CNTNAP2: variants seen among roughly 807,000 people sequenced by gnomAD.
CNTNAP2 encodes the protein contactin-associated protein-like 2.
A neutral mutation model predicts 155.2 loss-of-function variants in CNTNAP2; 98 were observed. The ratio of observed to expected loss-of-function variants is 0.63; its 90% confidence interval spans 0.54 to 0.75. CNTNAP2 has a LOEUF of 0.75. CNTNAP2 is among the 30% of genes least tolerant of loss of function. The probability of loss-of-function intolerance (pLI) is 0.00; values close to 1 mark genes in which losing one functional copy is unlikely to be tolerated. For synonymous variants in CNTNAP2, 651 were observed against 631.2 expected (o/e 1.03, Z -0.47); for missense variants, 1,727 against 1,688.1 (o/e 1.02, Z -0.40).
chr7:146,667,244 T>C (rs142200377), intron 1 of CNTNAP2, among the ~76,000 whole-genome samples: 102 of 152,248 alleles, frequency 6.7e-4, no homozygotes, highest in African/African-American at 1.5e-3. Flanking sequence ...GCCTGTCCTT[T>C]CCTCAATTAG....
intron 4 of CNTNAP2, among the ~76,000 whole-genome samples, chr7:147,072,106 C>G (rs1799904466): frequency 6.6e-6 from 1 of 151,896 alleles, no homozygotes. Context: ...GAGAACTTCT[C>G]CAGGGAGGTG....
chr7:147,871,563 C>G lies in CNTNAP2; in HGVS notation c.2099-32002C>G, dbSNP rs1367303972. On this transcript the variant is annotated intron_variant, in intron 13 of 23. Coordinates refer to ENST00000361727, the MANE Select transcript of CNTNAP2 (RefSeq NM_014141.6). ...GCCCTCATTGGGGTATCAGCCCCCACTACAGCCATTACAACCGGCTTGGCA... is the reference window on the plus strand; with the variant it reads ...GCCCTCATTGGGGTATCAGCCCCCAGTACAGCCATTACAACCGGCTTGGCA... Among the ~76,000 whole-genome samples, 31 of 152,164 alleles carry G rather than the reference C, an allele frequency of 2.0e-4. 1 individual carries two copies. The highest frequency in any genetic ancestry group is 4.4e-5 in the Non-Finnish European group (3 of 68,036).
chr7:147,448,062 A>T (rs1797770516), intron 10 of CNTNAP2, among the ~76,000 whole-genome samples: 1 of 152,162 alleles, frequency 6.6e-6, no homozygotes, highest in Non-Finnish European at 1.5e-5. Context: ...ATGGATTTCA[A>T]TCGATGCCCT....
intron 9 of CNTNAP2, among the ~76,000 whole-genome samples, chr7:147,325,584 A>C (rs912641833): frequency 2.0e-5 from 3 of 152,208 alleles, no homozygotes; most frequent in African/African-American, 7.2e-5. Flanking sequence ...TTGCTGTATA[A>C]TTATTGATTT....
chr7:146,702,517 T>G (rs1304779972), intron 1 of CNTNAP2, among the ~76,000 whole-genome samples: 2 of 152,262 alleles, frequency 1.3e-5, no homozygotes, highest in East Asian at 3.9e-4. Context: ...TGTGCCTGCA[T>G]TGTTGAGTAC....
intron 3 of CNTNAP2, among the ~76,000 whole-genome samples, chr7:146,956,318 C>T (rs1233610266): frequency 6.6e-6 from 1 of 152,068 alleles, no homozygotes; most frequent in Non-Finnish European, 1.5e-5. Flanking sequence ...ATCTACAAGG[C>T]CCTTTTTCAA....
At chr7:147,604,331 A>T (rs1801017279) in intron 12 of CNTNAP2, among the ~76,000 whole-genome samples, 1 of 152,136 alleles carries the variant, frequency 6.6e-6, no homozygotes, top group Non-Finnish European at 1.5e-5. Context: ...TCATCTGACA[A>T]AGGGCTAATA....
chr7:147,238,262 A>G (rs1004857457), intron 8 of CNTNAP2, among the ~76,000 whole-genome samples: 4 of 151,934 alleles, frequency 2.6e-5, no homozygotes, highest in African/African-American at 4.8e-5. Flanking sequence ...TGATCCGCCC[A>G]CCTCGGCCTC....
intron 15 of CNTNAP2, among the ~76,000 whole-genome samples, chr7:148,105,798 G>A (rs1195394926): frequency 1.3e-5 from 2 of 152,090 alleles, no homozygotes; most frequent in Admixed American, 6.5e-5. Context: ...TGTTGGCCAG[G>A]CTCGTCTTGA....
At chr7:147,080,408 G>A (rs10952669) in intron 4 of CNTNAP2, among the ~76,000 whole-genome samples, 81,581 of 151,852 alleles carry the variant, frequency 0.54, 25,279 homozygotes, top group East Asian at 0.74. Context: ...CAGGTGTATA[G>A]CATGAACTTA....
At chr7:146,191,828 G>A (rs557476597) in intron 1 of CNTNAP2, among the ~76,000 whole-genome samples, 1 of 152,118 alleles carries the variant, frequency 6.6e-6, no homozygotes, top group Admixed American at 6.5e-5. Flanking sequence ...CTGTTACCCT[G>A]TTCTTTTTTC....
chr7:146,356,052 TACACAC>T (rs68125550), intron 1 of CNTNAP2, among the ~76,000 whole-genome samples: 5,583 of 144,124 alleles, frequency 0.039, 335 homozygotes, highest in African/African-American at 0.13. Flanking sequence ...TACATACGAA[TACACAC>T]ACACACACAC....
At chr7:146,337,293 T>A (rs1413123404) in intron 1 of CNTNAP2, among the ~76,000 whole-genome samples, 1 of 146,760 alleles carries the variant, frequency 6.8e-6, no homozygotes, top group African/African-American at 2.7e-5. Flanking sequence ...CATGAGGTTG[T>A]TCTAACATAA....
At chr7:146,162,715 T>C (rs896904548) in intron 1 of CNTNAP2, among the ~76,000 whole-genome samples, 13 of 152,188 alleles carry the variant, frequency 8.5e-5, no homozygotes, top group Non-Finnish European at 1.3e-4. Context: ...CACACATGTT[T>C]ATTGCACCAC....
intron 1 of CNTNAP2, among the ~76,000 whole-genome samples, chr7:146,189,005 T>G (rs1224253910): frequency 6.6e-6 from 1 of 152,202 alleles, no homozygotes; most frequent in Admixed American, 6.5e-5. Flanking sequence ...TTACTAGTAA[T>G]GATGTGTTAT....
chr7:147,365,179 G>A (rs925646252), intron 9 of CNTNAP2, among the ~76,000 whole-genome samples: 1 of 151,742 alleles, frequency 6.6e-6, no homozygotes, highest in Admixed American at 6.6e-5. Context: ...AGAGGCAGGC[G>A]AATCACCTGA....
intron 11 of CNTNAP2, 56 bp downstream of exon 11, chr7:147,486,097 T>C (rs1798505963): frequency 2.0e-6 from 3 of 1,481,624 alleles, no homozygotes; most frequent in Non-Finnish European, 2.8e-6. Flanking sequence ...TCTCAAGTCT[T>C]GAGCTGTGCT....
intron 4 of CNTNAP2, among the ~76,000 whole-genome samples, chr7:147,067,886 T>C (rs1206458437): frequency 6.6e-6 from 1 of 152,248 alleles, no homozygotes; most frequent in African/African-American, 2.4e-5. Flanking sequence ...TGGCACAATT[T>C]CCACAAACTT....
At chr7:147,049,861 A>C (rs1426445597) in intron 4 of CNTNAP2, among the ~76,000 whole-genome samples, 4 of 152,110 alleles carry the variant, frequency 2.6e-5, no homozygotes, top group Non-Finnish European at 5.9e-5. Context: ...TCCTTTGTGC[A>C]GTTCCTCCAT....
Sources: gnomAD v4.1 joint callset for allele counts (sites outside exome capture counted in the v4.1 genomes callset) on GRCh38, gnomAD v4.1.1 for gene constraint, MANE v1.5 for transcripts, NCBI Gene and HGNC (gene_info 2026-07-23, HGNC 2026-07-21) for gene names.